The following METTL15 variants were observed in gnomAD, a reference collection of about 807,000 sequenced individuals.
METTL15 encodes the protein methyltransferase 15, mitochondrial 12S rRNA N4-cytidine, also known as 12S rRNA N(4)-cytidine methyltransferase METTL15.
A neutral mutation model predicts 38.3 loss-of-function variants in METTL15; 34 were observed. The observed-to-expected ratio is 0.89, with a 90% confidence interval of 0.68 to 1.18. The LOEUF (loss-of-function observed/expected upper bound fraction) is 1.18, where lower values mean the gene tolerates loss of function less well. Ranked by LOEUF, METTL15 falls within the 50% of genes most tolerant of loss-of-function variation. The pLI is 0.00. For synonymous variants in METTL15, 162 were observed against 170.9 expected (o/e 0.95, Z 0.41); for missense variants, 438 against 498.4 (o/e 0.88, Z 1.15).
chr11:28,502,852 A>G (rs969528463), intron 6 of METTL15, among the ~76,000 whole-genome samples: 3 of 152,198 alleles, frequency 2.0e-5, no homozygotes, highest in African/African-American at 4.8e-5. Flanking sequence ...AGCTCTGGAA[A>G]TAAAGGAAAG....
intron 3 of METTL15, among the ~76,000 whole-genome samples, chr11:28,115,411 A>C (rs1409171539): frequency 6.6e-6 from 1 of 151,886 alleles, no homozygotes; most frequent in Non-Finnish European, 1.5e-5. Context: ...GGCATGTACC[A>C]CCACGCCCGG....
At chr11:28,138,311 A>T (rs1370801043) in intron 3 of METTL15, among the ~76,000 whole-genome samples, 5 of 152,206 alleles carry the variant, frequency 3.3e-5, no homozygotes, top group African/African-American at 1.2e-4. Context: ...TAAAACATAA[A>T]GGCCTTTTAA....
At chr11:28,180,795 A>AT (rs1280788061) in intron 3 of METTL15, among the ~76,000 whole-genome samples, 1 of 151,800 alleles carries the variant, frequency 6.6e-6, no homozygotes. Flanking sequence ...TGGTATTTTA[A>AT]TTTTTTTAGG....
At chr11:28,127,483 A>G (rs954881114) in intron 3 of METTL15, among the ~76,000 whole-genome samples, 6 of 152,158 alleles carry the variant, frequency 3.9e-5, no homozygotes, top group African/African-American at 4.8e-5. Context: ...TTCTGGCGCC[A>G]TGAAGCTGGA....
intron 5 of METTL15, among the ~76,000 whole-genome samples, chr11:28,376,189 G>T (rs570014819): frequency 3.3e-5 from 5 of 151,870 alleles, no homozygotes; most frequent in East Asian, 1.9e-4. Context: ...AGGTCCGCTT[G>T]GTGCAGAGCT....
chr11:28,435,299 C>T (rs1296547944), intron 6 of METTL15, among the ~76,000 whole-genome samples: 2 of 152,296 alleles, frequency 1.3e-5, no homozygotes, highest in East Asian at 3.9e-4. Flanking sequence ...ACATACTCAA[C>T]ATAGAATGGC....
chr11:28,336,066 C>T (rs1318915746), downstream of METTL15, among the ~76,000 whole-genome samples: 1 of 152,040 alleles, frequency 6.6e-6, no homozygotes, highest in Admixed American at 6.6e-5. Context: ...CTTTTTTCCC[C>T]CCTTAGTAGT....
chr11:28,181,252 A>T (rs1275676290), intron 3 of METTL15, among the ~76,000 whole-genome samples: 1 of 116,844 alleles, frequency 8.6e-6, no homozygotes, highest in African/African-American at 2.8e-5. Context: ...TATTTATTTA[A>T]TTTTTAATTT....
chr11:28,132,789 G>C (rs1377475300), intron 3 of METTL15, among the ~76,000 whole-genome samples: 1 of 152,028 alleles, frequency 6.6e-6, no homozygotes, highest in African/African-American at 2.4e-5. Context: ...AAAAGTTTGT[G>C]AACACTGAAT....
chr11:28,112,547 T>C (rs1340297654), intron 2 of METTL15, among the ~76,000 whole-genome samples: 1 of 152,186 alleles, frequency 6.6e-6, no homozygotes, highest in East Asian at 1.9e-4. Flanking sequence ...TTCTGCATTT[T>C]AAAGAGTTAT....
At chr11:28,524,785 AC>A (rs1477762534) in intron 6 of METTL15, among the ~76,000 whole-genome samples, 1 of 152,226 alleles carries the variant, frequency 6.6e-6, no homozygotes, top group African/African-American at 2.4e-5. Flanking sequence ...AAGGAGAAGA[AC>A]ATACAGGGCT....
chr11:28,196,044 T>C (rs1851896108), intron 3 of METTL15, among the ~76,000 whole-genome samples: 1 of 152,120 alleles, frequency 6.6e-6, no homozygotes, highest in Admixed American at 6.6e-5. Flanking sequence ...TTCTCTATTC[T>C]GTTCCAGTGG....
At chr11:28,189,436 CA>C (rs1283852293) in intron 3 of METTL15, among the ~76,000 whole-genome samples, 1 of 151,060 alleles carries the variant, frequency 6.6e-6, no homozygotes, top group African/African-American at 2.4e-5. Context: ...AGAAAGATAC[CA>C]TGAAATACTG....
At chr11:28,311,936 A>C (rs1210012197) in intron 6 of METTL15, among the ~76,000 whole-genome samples, 4 of 152,234 alleles carry the variant, frequency 2.6e-5, no homozygotes, top group Non-Finnish European at 5.9e-5. Context: ...AGATGTCAGC[A>C]GGTAGAGATA....
At chr11:28,245,441 T>G (rs986330686) in intron 4 of METTL15, among the ~76,000 whole-genome samples, 2 of 152,148 alleles carry the variant, frequency 1.3e-5, no homozygotes, top group East Asian at 3.9e-4. Flanking sequence ...ATGTATTATT[T>G]CCTTCAGTGG....
At chr11:28,527,003 A>ATT (rs35613850) in exon 8 of METTL15, 2 of 150,830 alleles carry the variant, frequency 1.3e-5, no homozygotes, top group African/African-American at 4.9e-5. Context: ...GCAGATGTGG[A>ATT]TTTTTTTTTT....
intron 5 of METTL15, among the ~76,000 whole-genome samples, chr11:28,296,295 A>G (rs868201429): frequency 2.0e-5 from 3 of 152,164 alleles, no homozygotes; most frequent in Admixed American, 6.5e-5. Context: ...CTCCACAAGT[A>G]ATCAGTTATT....
intron 6 of METTL15, among the ~76,000 whole-genome samples, chr11:28,491,106 A>G (rs1851490799): frequency 6.6e-6 from 1 of 152,226 alleles, no homozygotes; most frequent in Non-Finnish European, 1.5e-5. Flanking sequence ...CTGGCCCTGG[A>G]TATACCCATA....
chr11:28,277,222 C>T lies in METTL15; in HGVS notation c.408-12984C>T, dbSNP rs540543071. On this transcript the variant is annotated intron_variant, in intron 4 of 6. Transcript: ENST00000407364. The stretch of plus-strand genomic sequence containing the variant: ...AATTACCACTCAATCCAGCAATACC[C>T]CTGCTGGGTATCTACCTAATGAAAA... Among the ~76,000 whole-genome samples, 7 of 152,210 alleles carry T rather than the reference C, an allele frequency of 4.6e-5. 1 individual carries two copies. The South Asian group carries it at 1.2e-3, about 27-fold the overall frequency.
Sources: allele counts gnomAD v4.1 joint callset (sites outside exome capture counted in the v4.1 genomes callset), GRCh38; gene constraint gnomAD v4.1.1; transcripts MANE v1.5; gene names NCBI Gene and HGNC (gene_info 2026-07-23, HGNC 2026-07-21).